Variants in RPS6KB1 observed in about 807,000 individuals in gnomAD.
RPS6KB1 encodes the protein ribosomal protein S6 kinase beta-1.
A neutral mutation model predicts 70.2 loss-of-function variants in RPS6KB1; 12 were observed. The ratio of observed to expected loss-of-function variants is 0.17; its 90% CI spans 0.11 to 0.28. The LOEUF (loss-of-function observed/expected upper bound fraction) is 0.28, where lower values mean the gene tolerates loss of function less well. Ranked by LOEUF, RPS6KB1 falls within the 10% of genes least tolerant of loss-of-function variation. RPS6KB1 has a pLI of 1.00. For missense variants in RPS6KB1, 270 were observed against 646.6 expected, an observed-to-expected ratio of 0.42 and a Z score of 6.32; for synonymous variants, 175 against 211.2, an observed-to-expected ratio of 0.83 and a Z score of 1.49.
intron 12 of RPS6KB1, among the ~76,000 whole-genome samples, chr17:59,937,446 C>T (rs2044309037): frequency 6.6e-6 from 1 of 152,206 alleles, no homozygotes; most frequent in Non-Finnish European, 1.5e-5. Context: ...TCTCATAGAT[C>T]TGGAGACTAG....
chr17:59,935,848 C>T (rs1266790359), intron 10 of RPS6KB1, among the ~76,000 whole-genome samples: 3 of 151,436 alleles, frequency 2.0e-5, no homozygotes, highest in African/African-American at 7.3e-5. Context: ...CTTGCTCTGT[C>T]GTCCAGGCTG....
intron 3 of RPS6KB1, chr17:59,913,713 A>G (rs925657753): frequency 2.6e-5 from 4 of 151,952 alleles, no homozygotes; most frequent in Non-Finnish European, 5.9e-5. Context: ...ATTTTTTATG[A>G]TTTTTGAGAC....
At position 59,893,399 on chromosome 17, in the gene RPS6KB1, G is replaced by A; in HGVS notation, c.141+74G>A. The A allele has an allele frequency of 6.9e-7, 1 of 1,455,608 alleles. No homozygotes were observed. Among genetic ancestry groups the A allele is most frequent in the Non-Finnish European group, 9.4e-7 (1 of 1,068,400 alleles). 90.2% of individuals were successfully genotyped at this position (1,455,608 alleles called of 1,614,324 possible). ...GGCGCGGGCTCAGGAAGCGCGGTGTGTCCTAGAGCGTGGAGACCCAGGGGG... is the reference window on the plus strand; with the variant it reads ...GGCGCGGGCTCAGGAAGCGCGGTGTATCCTAGAGCGTGGAGACCCAGGGGG... On this transcript the variant is annotated intron_variant, in intron 1 of 14. Coordinates refer to ENST00000225577, the MANE Select transcript of RPS6KB1 (RefSeq NM_003161.4). The surrounding 1 kb of genome is among the most constrained non-coding windows in gnomAD (Gnocchi z 4.1).
chr17:59,930,597 T>G (rs2043873729), intron 6 of RPS6KB1, among the ~76,000 whole-genome samples: 1 of 152,160 alleles, frequency 6.6e-6, no homozygotes, highest in Admixed American at 6.6e-5. Context: ...TGTAGATTGA[T>G]TATGTAGTCA....
chr17:59,935,763 C>A (rs992430960), intron 10 of RPS6KB1, among the ~76,000 whole-genome samples: 1 of 151,826 alleles, frequency 6.6e-6, no homozygotes, highest in Non-Finnish European at 1.5e-5. Flanking sequence ...ATTACAGACC[C>A]TTAAACAATA....
At chr17:59,900,280 A>G (rs2041854977) in intron 1 of RPS6KB1, among the ~76,000 whole-genome samples, 1 of 151,926 alleles carries the variant, frequency 6.6e-6, no homozygotes, top group South Asian at 2.1e-4. Flanking sequence ...GTAGTTTTGA[A>G]GAAAGATATA....
chr17:59,927,043 G>T (rs2043648852), intron 5 of RPS6KB1, among the ~76,000 whole-genome samples: 1 of 151,972 alleles, frequency 6.6e-6, no homozygotes, highest in African/African-American at 2.4e-5. Context: ...CACCTCGTAG[G>T]AACTTGTTGA....
At position 59,932,712 on chromosome 17, in the gene RPS6KB1, T is replaced by G. The variant is rs572897125; in HGVS notation, c.688+990T>G. Among the ~76,000 whole-genome samples the G allele has an allele frequency of 1.6e-4, 24 of 152,140 alleles. No individual in the cohort carries two copies. In the South Asian group the frequency reaches 4.8e-3, roughly 30 times the overall value. On this transcript the variant is annotated intron_variant, in intron 7 of 14. Coordinates refer to ENST00000225577, the MANE Select transcript of RPS6KB1 (RefSeq NM_003161.4). Reference sequence around the variant, plus strand: ...GGCCACTGTGGCACACCACCACGCCTGACTAATTTTTGGTATTTTTTGTAG... The same window carrying G: ...GGCCACTGTGGCACACCACCACGCCGGACTAATTTTTGGTATTTTTTGTAG...
chr17:59,908,668 G>T (rs1401344720), intron 1 of RPS6KB1, among the ~76,000 whole-genome samples: 19 of 136,484 alleles, frequency 1.4e-4, no homozygotes, highest in African/African-American at 5.4e-4. Context: ...GCCCAGGCTG[G>T]AGTGCAGTGG....
intron 13 of RPS6KB1, among the ~76,000 whole-genome samples, chr17:59,944,791 C>CTTT (rs3066277): frequency 0.19 from 25,185 of 133,994 alleles, 2,471 homozygotes; most frequent in East Asian, 0.36. Context: ...TATTTAACAT[C>CTTT]TTTTTTTTTT....
intron 4 of RPS6KB1, among the ~76,000 whole-genome samples, chr17:59,916,699 C>T (rs1222148523): frequency 6.6e-6 from 1 of 152,166 alleles, no homozygotes; most frequent in East Asian, 1.9e-4. Flanking sequence ...TCACCACAAC[C>T]CTGGAATCCT....
intron 6 of RPS6KB1, chr17:59,931,323 A>G (rs1004801143): frequency 3.3e-5 from 10 of 305,100 alleles, no homozygotes; most frequent in African/African-American, 2.2e-4. Flanking sequence ...ATTCCTACAC[A>G]GACAGAACAA....
intron 1 of RPS6KB1, among the ~76,000 whole-genome samples, chr17:59,907,609 C>T (rs953851409): frequency 2.0e-5 from 3 of 151,214 alleles, no homozygotes; most frequent in African/African-American, 7.3e-5. Context: ...ACAATCACTG[C>T]CACATTGTAG....
chr17:59,906,426 G>A (rs183954748), intron 1 of RPS6KB1, among the ~76,000 whole-genome samples: 17 of 152,030 alleles, frequency 1.1e-4, no homozygotes, highest in South Asian at 6.2e-4. Context: ...GTGCAGTGGC[G>A]CGATCTCGGC....
At chr17:59,918,739 G>A (rs1360859250) in intron 4 of RPS6KB1, among the ~76,000 whole-genome samples, 1 of 149,884 alleles carries the variant, frequency 6.7e-6, no homozygotes, top group African/African-American at 2.5e-5. Flanking sequence ...TTGACTTTCT[G>A]TTTTCTTTGA....
chr17:59,902,496 G>C (rs901049717), intron 1 of RPS6KB1, among the ~76,000 whole-genome samples: 8 of 150,498 alleles, frequency 5.3e-5, no homozygotes, highest in Non-Finnish European at 1.0e-4. Context: ...AGTGCATTTT[G>C]TTTATCCATT....
At chr17:59,894,753 C>T (rs1170443027) in intron 1 of RPS6KB1, among the ~76,000 whole-genome samples, 2 of 151,650 alleles carry the variant, frequency 1.3e-5, no homozygotes, top group African/African-American at 4.8e-5. Context: ...TACAGGCATG[C>T]GCCACCACAT....
chr17:59,898,624 T>G, intron 1 of RPS6KB1, among the ~76,000 whole-genome samples: 1 of 151,742 alleles, frequency 6.6e-6, no homozygotes, highest in East Asian at 2.0e-4. Context: ...CAGCTAATTT[T>G]TTGTATTTTT....
intron 1 of RPS6KB1, among the ~76,000 whole-genome samples, chr17:59,897,004 T>C (rs553233113): frequency 2.0e-5 from 3 of 152,306 alleles, no homozygotes; most frequent in South Asian, 2.1e-4. Context: ...TTATAGACTT[T>C]AATTTATTAC....
Sources: gnomAD v4.1 joint callset for allele counts (sites outside exome capture counted in the v4.1 genomes callset) on GRCh38, gnomAD v4.1.1 for gene constraint, Gnocchi (gnomAD v3.1) non-coding constraint, MANE v1.5 for transcripts, NCBI Gene and HGNC (gene_info 2026-07-23, HGNC 2026-07-21) for gene names.